The following GRIK2 variants were observed in gnomAD, a reference collection of about 807,000 sequenced individuals.
GRIK2 encodes glutamate receptor ionotropic, kainate 2.
A neutral mutation model predicts 100.3 loss-of-function variants in GRIK2; 32 were observed. That is an observed-to-expected ratio of 0.32 (90% CI 0.24 to 0.43). The LOEUF (loss-of-function observed/expected upper bound fraction) is 0.43, where lower values mean the gene tolerates loss of function less well. GRIK2 is among the 20% of genes least tolerant of loss of function. The probability of loss-of-function intolerance (pLI) is 1.00; values close to 1 mark genes in which losing one functional copy is unlikely to be tolerated. For synonymous variants in GRIK2, 417 were observed against 389.4 expected, an observed-to-expected ratio of 1.07 and a Z score of -0.83; for missense variants, 843 against 1,114.9, an observed-to-expected ratio of 0.76 and a Z score of 3.47.
chr6:101,605,452 AT>A (rs141292516), intron 2 of GRIK2, among the ~76,000 whole-genome samples: 4,034 of 151,746 alleles, frequency 0.027, 183 homozygotes, highest in African/African-American at 0.093. Flanking sequence ...ATCTGTCCAT[AT>A]TAACGCAGGT....
chr6:101,416,480 G>A (rs993127898), intron 2 of GRIK2, among the ~76,000 whole-genome samples: 1 of 152,146 alleles, frequency 6.6e-6, no homozygotes, highest in Non-Finnish European at 1.5e-5. Flanking sequence ...GATTTGTTAA[G>A]CAAATTCCAG....
At chr6:101,841,867 T>C (rs1449382519) in intron 10 of GRIK2, among the ~76,000 whole-genome samples, 1 of 152,110 alleles carries the variant, frequency 6.6e-6, no homozygotes, top group African/African-American at 2.4e-5. Flanking sequence ...AGTTGACACT[T>C]GGTACCTGGA....
chr6:101,418,347 T>G (rs561904847), intron 2 of GRIK2, among the ~76,000 whole-genome samples: 1 of 152,294 alleles, frequency 6.6e-6, no homozygotes, highest in African/African-American at 2.4e-5. Flanking sequence ...CCATTTTTAT[T>G]AAGTGCTCAG....
At chr6:101,913,785 A>T (rs1788913990) in intron 12 of GRIK2, among the ~76,000 whole-genome samples, 1 of 151,566 alleles carries the variant, frequency 6.6e-6, no homozygotes, top group Non-Finnish European at 1.5e-5. Flanking sequence ...GCTATGTAAG[A>T]TGTTATATGA....
intron 4 of GRIK2, among the ~76,000 whole-genome samples, chr6:101,653,768 T>C (rs546210370): frequency 1.8e-4 from 28 of 152,062 alleles, no homozygotes; most frequent in Non-Finnish European, 3.1e-4. Flanking sequence ...TACAGTTGCC[T>C]GCCACCACGC....
chr6:101,506,091 A>G (rs958827205), intron 2 of GRIK2, among the ~76,000 whole-genome samples: 2 of 152,164 alleles, frequency 1.3e-5, no homozygotes, highest in Non-Finnish European at 2.9e-5. Context: ...TCAATGAAAT[A>G]TGTAGAATAA....
intron 11 of GRIK2, among the ~76,000 whole-genome samples, chr6:101,871,354 T>G (rs117632062): frequency 6.6e-6 from 1 of 151,908 alleles, no homozygotes; most frequent in Non-Finnish European, 1.5e-5. Flanking sequence ...TTTATTTTTT[T>G]AAAAGTATTT....
chr6:101,644,406 TC>T (rs1781425585), intron 4 of GRIK2, among the ~76,000 whole-genome samples: 1 of 151,802 alleles, frequency 6.6e-6, no homozygotes, highest in South Asian at 2.1e-4. Flanking sequence ...ACACCAGACA[TC>T]ATCTAGAGAT....
chr6:101,419,286 T>C (rs556995941), intron 2 of GRIK2, among the ~76,000 whole-genome samples: 28 of 152,340 alleles, frequency 1.8e-4, no homozygotes, highest in Non-Finnish European at 3.7e-4. Flanking sequence ...ACAACCACCC[T>C]TATCTCAGTG....
chr6:101,803,435 C>T (rs1002540359), intron 9 of GRIK2, among the ~76,000 whole-genome samples: 4 of 151,784 alleles, frequency 2.6e-5, no homozygotes, highest in Admixed American at 6.6e-5. Flanking sequence ...AGAGCTGTTA[C>T]CTCCTGCCAC....
At chr6:101,793,548 G>T (rs902415685) in intron 7 of GRIK2, among the ~76,000 whole-genome samples, 13 of 152,148 alleles carry the variant, frequency 8.5e-5, no homozygotes, top group African/African-American at 3.1e-4. Context: ...GAATGCTGCT[G>T]TCTGATCGTT....
At chr6:102,019,005 T>C (rs1769285029) in intron 14 of GRIK2, among the ~76,000 whole-genome samples, 1 of 152,102 alleles carries the variant, frequency 6.6e-6, no homozygotes, top group Non-Finnish European at 1.5e-5. Context: ...TAGTTTTGTA[T>C]TGTGTTTTCA....
Position 101,551,835 on chromosome 6 carries a change from CAA to C in GRIK2, c.116-70112_116-70111del, listed in dbSNP as rs543441566. 7.6e-3 allele frequency among the ~76,000 whole-genome samples: 1,154 copies of C among 152,248 alleles called. 6 individuals are homozygous for C. The highest frequency in any genetic ancestry group is 0.012 in the Non-Finnish European group (823 of 68,016). ...TGTCACAAAAGCCAAACAGATAGTG[CAA>C]AGTTTTAGTATACTAGACAAAACAT... is the stretch of plus-strand genomic sequence containing the variant. On this transcript the variant is annotated intron_variant, in intron 2 of 16. Coordinates refer to ENST00000369134, the MANE Select transcript of GRIK2 (RefSeq NM_021956.5).
At chr6:101,900,078 T>A (rs1582489167) in intron 12 of GRIK2, among the ~76,000 whole-genome samples, 1 of 152,290 alleles carries the variant, frequency 6.6e-6, no homozygotes, top group South Asian at 2.1e-4. Context: ...TTTTAAAATG[T>A]TGATATTACT....
At chr6:101,439,643 G>T (rs567598261) in intron 2 of GRIK2, among the ~76,000 whole-genome samples, 29 of 151,980 alleles carry the variant, frequency 1.9e-4, no homozygotes, top group Admixed American at 7.9e-4. Context: ...CTTAATGAAA[G>T]CCATCATTAT....
At chr6:101,849,096 AC>A (rs5878696) in intron 10 of GRIK2, among the ~76,000 whole-genome samples, 16,485 of 151,932 alleles carry the variant, frequency 0.11, 1,920 homozygotes, top group East Asian at 0.66. Flanking sequence ...AAAACAGGTA[AC>A]TAAAACTTGC....
At chr6:101,856,834 T>G (rs1479022114) in intron 10 of GRIK2, among the ~76,000 whole-genome samples, 1 of 152,054 alleles carries the variant, frequency 6.6e-6, no homozygotes, top group Non-Finnish European at 1.5e-5. Flanking sequence ...TAGACTTCAA[T>G]GAGGGAAATA....
rs1779061964 is a variant in GRIK2, at chr6:101,781,123, TCA to T, written c.952-18524_952-18523del. On this transcript the variant is annotated intron_variant, in intron 7 of 16. Coordinates refer to ENST00000369134, the MANE Select transcript of GRIK2 (RefSeq NM_021956.5). ...TCTATTTACTTTATATGTTATTTTT[TCA>T]GTTATCTTTTTCTAGGCATTGTTGG... Among the ~76,000 whole-genome samples the T allele has an allele frequency of 3.3e-5, 5 of 152,346 alleles. No individual in the cohort carries two copies. The South Asian group carries it at 8.3e-4, about 25-fold the overall frequency.
intron 2 of GRIK2, among the ~76,000 whole-genome samples, chr6:101,560,975 T>C (rs1344639853): frequency 6.6e-6 from 1 of 152,172 alleles, no homozygotes; most frequent in Non-Finnish European, 1.5e-5. Flanking sequence ...AAATTAGGCT[T>C]GGTTATACAT....
Sources: allele counts gnomAD v4.1 joint callset (sites outside exome capture counted in the v4.1 genomes callset), GRCh38; gene constraint gnomAD v4.1.1; transcripts MANE v1.5; gene names NCBI Gene and HGNC (gene_info 2026-07-23, HGNC 2026-07-21).